Variants in ERN1 observed in about 807,000 individuals in gnomAD.
ERN1 encodes endoplasmic reticulum to nucleus signaling 1.
Under a neutral mutation model 113.1 loss-of-function variants are expected in ERN1, and 39 were observed. That is an observed-to-expected ratio of 0.34 (90% CI 0.27 to 0.45). The LOEUF (loss-of-function observed/expected upper bound fraction) is 0.45. Ranked by LOEUF, ERN1 falls within the 20% of genes least tolerant of loss-of-function variation. ERN1 has a pLI of 1.00. For missense variants in ERN1, 976 were observed against 1,274.8 expected, an observed-to-expected ratio of 0.77 and a Z score of 3.57; for synonymous variants, 507 against 515.9, an observed-to-expected ratio of 0.98 and a Z score of 0.23.
rs1020070134 is a variant in ERN1, at chr17:64,064,085, C to T, written c.988G>A (p.Gly330Arg). ...GTGCTGGGCGTGATCACACACTCCCCCTTGTCCCCAATGGTGACGCCATCA... is the reference window on the plus strand; with the variant it reads ...GTGCTGGGCGTGATCACACACTCCCTCTTGTCCCCAATGGTGACGCCATCA... ...QTDGVTIGDK[G>R]ECVITPSTDV... The change falls in exon 10 of 22, where the codon GGG (glycine) becomes AGG (arginine). Residue 330 changes from glycine to arginine, a missense_variant. By Grantham distance (125) the Gly-to-Arg change is moderately radical. This residue lies in a region of ERN1 where 459 missense variants were observed against 581.2 expected (regional missense o/e 0.79). Coordinates refer to ENST00000433197, the MANE Select transcript of ERN1 (RefSeq NM_001433.5). The T allele has an allele frequency of 6.2e-7, 1 of 1,613,102 alleles. No individual in the cohort carries two copies. Among genetic ancestry groups the T allele is most frequent in the African/African-American group, 1.3e-5 (1 of 74,908 alleles).
intron 3 of ERN1, 147 bp from the exon 4 acceptor site, chr17:64,079,881 C>A: frequency 1.6e-6 from 1 of 610,280 alleles, no homozygotes; most frequent in Non-Finnish European, 3.0e-6. Flanking sequence ...GACAATTCCA[C>A]CCACTACTCT....
intron 13 of ERN1, among the ~76,000 whole-genome samples, chr17:64,055,190 G>T (rs549517652): frequency 2.0e-5 from 3 of 152,340 alleles, no homozygotes; most frequent in African/African-American, 4.8e-5. Flanking sequence ...GTAAAGATCC[G>T]CACTGAAGCA....
intron 1 of ERN1, chr17:64,129,676 C>G (rs1204976246): frequency 2.7e-6 from 1 of 373,236 alleles, no homozygotes; most frequent in Non-Finnish European, 4.8e-6. Flanking sequence ...CAGGACGCCA[C>G]GAAGTTGCGC....
chr17:64,066,651 T>C lies in ERN1; in HGVS notation c.842+20A>G. 6.2e-7 allele frequency: 1 copy of C among 1,611,706 alleles called. No individual in the cohort carries two copies. Among genetic ancestry groups the C allele is most frequent in the Non-Finnish European group, 8.5e-7 (1 of 1,178,034 alleles). Reference sequence around the variant, plus strand: ...ACGAAGGCCACGGCCGCCCTCTCCTTCCCCGAGCTCCCAACTCACGTCAGC... The same window carrying C: ...ACGAAGGCCACGGCCGCCCTCTCCTCCCCCGAGCTCCCAACTCACGTCAGC... On this transcript the variant is annotated intron_variant, in intron 8 of 21. Coordinates refer to ENST00000433197, the MANE Select transcript of ERN1 (RefSeq NM_001433.5).
chr17:64,068,678 T>C (rs566742299), intron 6 of ERN1, among the ~76,000 whole-genome samples: 2 of 152,270 alleles, frequency 1.3e-5, no homozygotes, highest in Non-Finnish European at 2.9e-5. Flanking sequence ...ACATGTGGCA[T>C]TGACTTTAGG....
At chr17:64,086,637 CTTTTTTTTTTTTTTTTTTT>C (rs773655917) in intron 2 of ERN1, among the ~76,000 whole-genome samples, 1 of 47,582 alleles carries the variant, frequency 2.1e-5, no homozygotes, top group South Asian at 1.2e-3. Context: ...CTTTTCTTTC[CTTTTTTTTTTTTTTTTTTT>C]TTTTTTTTGA....
intron 1 of ERN1, among the ~76,000 whole-genome samples, chr17:64,120,427 C>T (rs1158101965): frequency 6.6e-6 from 1 of 152,166 alleles, no homozygotes; most frequent in African/African-American, 2.4e-5. Flanking sequence ...GTTTCCATGA[C>T]AGACACTCCT....
chr17:64,047,901 T>C lies in ERN1; in HGVS notation c.2486A>G (p.His829Arg), dbSNP rs750353978. The change falls in exon 19 of 22, where the codon CAC becomes CGC. Residue 829 changes from histidine (H) to arginine (R), a missense_variant. His to Arg is a conservative substitution (Grantham distance 29). Around this residue, in one of 5 missense-constraint regions of ERN1, gnomAD observed 297 missense variants for 457.8 expected, o/e 0.65. Coordinates refer to ENST00000433197, the MANE Select transcript of ERN1 (RefSeq NM_001433.5). ...CTTCTCTAGGCTCCAGAAGAACGGG[T>C]GTTTGAGCACATGCTTCGCTGAGGG... is the stretch of plus-strand genomic sequence containing the variant. The part of the protein sequence containing the change: ...KRPSAKHVLK[H>R]PFFWSLEKQL... 6.2e-7 allele frequency: 1 copy of C among 1,613,050 alleles called. No individual in the cohort carries two copies. Among genetic ancestry groups the C allele is most frequent in the Admixed American group, 1.7e-5 (1 of 59,986 alleles).
At chr17:64,113,490 G>C (rs1914724409) in intron 1 of ERN1, among the ~76,000 whole-genome samples, 1 of 151,708 alleles carries the variant, frequency 6.6e-6, no homozygotes, top group Non-Finnish European at 1.5e-5. Flanking sequence ...TATTTTTCCA[G>C]AGCATTTTGC....
At chr17:64,053,414 G>C (rs1912753788) in intron 15 of ERN1, 43 bp from the exon 16 acceptor site, 12 of 1,396,040 alleles carry the variant, frequency 8.6e-6, no homozygotes, top group Non-Finnish European at 1.2e-5. Context: ...ACAGTCCTCA[G>C]GACTTGGCCC....
intron 1 of ERN1, among the ~76,000 whole-genome samples, chr17:64,111,223 T>C (rs1914662911): frequency 6.6e-6 from 1 of 152,368 alleles, no homozygotes; most frequent in South Asian, 2.1e-4. Flanking sequence ...TTCTGATATA[T>C]GTACACATTG....
Position 64,044,981 on chromosome 17 carries a change from T to G in ERN1, c.2654-54A>C, listed in dbSNP as rs1912465945. Reference sequence around the variant, plus strand: ...TAATCAAATTTAAAACTAATACATTTTAAAAGAAAACAATTCATGGGGTCC... The same window carrying G: ...TAATCAAATTTAAAACTAATACATTGTAAAAGAAAACAATTCATGGGGTCC... On this transcript the variant is annotated intron_variant, in intron 20 of 21. Coordinates refer to ENST00000433197, the MANE Select transcript of ERN1 (RefSeq NM_001433.5). The surrounding 1 kb of genome is among the most constrained non-coding windows in gnomAD (Gnocchi z 4.1). 7.7e-7 allele frequency: 1 copy of G among 1,299,340 alleles called. No individual in the cohort carries two copies. The highest frequency in any genetic ancestry group is 1.1e-6 in the Non-Finnish European group (1 of 916,690). The allele number at this position is 1,299,340 out of a possible 1,614,324, so 80.5% of individuals were successfully genotyped here.
intron 2 of ERN1, among the ~76,000 whole-genome samples, chr17:64,086,404 C>A (rs900584294): frequency 6.6e-6 from 1 of 152,144 alleles, no homozygotes; most frequent in Non-Finnish European, 1.5e-5. Context: ...CTTTATCTCA[C>A]ATAATGTCTT....
rs1912793845 is a variant in ERN1, at chr17:64,054,548, G to T, written c.1764-109C>A. The T allele has an allele frequency of 1.7e-6, 2 of 1,184,418 alleles. No individual in the cohort carries two copies. Among genetic ancestry groups the T allele is most frequent in the Admixed American group, 4.7e-5 (2 of 42,428 alleles). 73.4% of individuals were successfully genotyped at this position (1,184,418 alleles called of 1,614,324 possible). ...CACCTACTGCCTCCCAGCCTAGAGA[G>T]CCCCGCCTGACTGCCTGGTGGCCCC... On this transcript the variant is annotated intron_variant, in intron 14 of 21. Transcript: ENST00000433197. This position sits in a 1 kb window ranked among gnomAD's most constrained non-coding sequence, Gnocchi z 4.9.
rs1567859083 is a variant in ERN1, at chr17:64,044,447, ACAGT to A, written c.2722-251_2722-248del. The stretch of plus-strand genomic sequence containing the variant: ...CCAGGGGGTGCTCAGGCCTTCTGTG[ACAGT>A]CAGGACCTGGAGACACTCCTGGCCA... On this transcript the variant is annotated intron_variant, in intron 21 of 21. Transcript: ENST00000433197. The surrounding 1 kb of genome is among the most constrained non-coding windows in gnomAD (Gnocchi z 4.1). 2.6e-5 allele frequency among the ~76,000 whole-genome samples: 4 copies of A among 152,232 alleles called. No individual in the cohort carries two copies. Among genetic ancestry groups the A allele is most frequent in the African/African-American group, 9.6e-5 (4 of 41,452 alleles).
In ERN1 at chr17:64,043,961, C is replaced by T. The variant is rs1388248473; in HGVS notation, c.*27G>A. Reference sequence around the variant, plus strand: ...ACCAGGCCCTCAGTCACAGCTGGGGCCACCAGAACAGAGGGGCCGCCCTCG... The same window carrying T: ...ACCAGGCCCTCAGTCACAGCTGGGGTCACCAGAACAGAGGGGCCGCCCTCG... On this transcript the variant is annotated 3_prime_UTR_variant, in exon 22 of 22. Transcript: ENST00000433197. The T allele has an allele frequency of 8.7e-6, 13 of 1,502,578 alleles. No homozygotes were observed. The Admixed American group carries it at 1.7e-4, about 19-fold the overall frequency. The allele number at this position is 1,502,578 out of a possible 1,614,324, so 93.1% of individuals were successfully genotyped here.
intron 15 of ERN1, chr17:64,053,982 C>T: frequency 5.4e-6 from 2 of 370,214 alleles, no homozygotes; most frequent in South Asian, 4.1e-5. Context: ...CTCTGTTGTC[C>T]AGGCTGGAGT....
At chr17:64,045,013 T>C in intron 20 of ERN1, 86 bp from the exon 21 acceptor site, 1 of 1,013,858 alleles carries the variant, frequency 9.9e-7, no homozygotes, top group Admixed American at 2.0e-5. Context: ...GTCCTGGGAT[T>C]AGGGAGTTGG....
Position 64,063,201 on chromosome 17 carries a change from G to C in ERN1, c.1087+785C>G, listed in dbSNP as rs1188543331. Reference sequence around the variant, plus strand: ...CTCCTGCCCTGCTCTGCCCCTACTGGGGCTGGGAGGTGGCAGAACAGTGAG... The same window carrying C: ...CTCCTGCCCTGCTCTGCCCCTACTGCGGCTGGGAGGTGGCAGAACAGTGAG... On this transcript the variant is annotated intron_variant, in intron 10 of 21. Transcript: ENST00000433197. This position sits in a 1 kb window ranked among gnomAD's most constrained non-coding sequence, Gnocchi z 5.1. Among the ~76,000 whole-genome samples the C allele has an allele frequency of 6.6e-6, 1 of 152,234 alleles. No homozygotes were observed. The highest frequency in any genetic ancestry group is 6.5e-5 in the Admixed American group (1 of 15,286).
Sources: allele counts gnomAD v4.1 joint callset (sites outside exome capture counted in the v4.1 genomes callset), GRCh38; gene constraint gnomAD v4.1.1; regional missense constraint gnomAD v4.1.1; non-coding constraint Gnocchi (gnomAD v3.1); transcripts MANE v1.5; gene names NCBI Gene and HGNC (gene_info 2026-07-23, HGNC 2026-07-21).